Variants in ACTR3C observed in about 807,000 individuals in gnomAD.
ACTR3C encodes actin related protein 3C.
Under a neutral mutation model 26.3 loss-of-function variants are expected in ACTR3C, and 18 were observed. The observed-to-expected ratio is 0.68, with a 90% CI of 0.47 to 1.01. The LOEUF (loss-of-function observed/expected upper bound fraction) is 1.01, where lower values mean the gene tolerates loss of function less well. Ranked by LOEUF, ACTR3C falls within the 50% of genes least tolerant of loss-of-function variation. The pLI, the probability that ACTR3C is intolerant of heterozygous loss-of-function variation, is 0.00. For missense variants in ACTR3C, 184 were observed against 250.7 expected (o/e 0.73, Z 1.80); for synonymous variants, 55 against 94.5 (o/e 0.58, Z 2.42).
At chr7:149,906,045 AT>A in the ACTR3C span, among the ~76,000 whole-genome samples, 1 of 152,228 alleles carries the variant, frequency 6.6e-6, no homozygotes, top group African/African-American at 2.4e-5. Context: ...ATCGTTGTAT[AT>A]TCGCGTTAGA....
chr7:149,963,661 G>A, the ACTR3C span, among the ~76,000 whole-genome samples: 2 of 152,202 alleles, frequency 1.3e-5, no homozygotes, highest in African/African-American at 4.8e-5. Flanking sequence ...ACAGGCTCAG[G>A]TGGGTAACAG....
At chr7:149,999,672 G>A in the ACTR3C span, among the ~76,000 whole-genome samples, 1 of 151,494 alleles carries the variant, frequency 6.6e-6, no homozygotes, top group Non-Finnish European at 1.5e-5. Flanking sequence ...AAAAACTGAC[G>A]AGACTGCTAG....
At chr7:150,036,586 G>C in the ACTR3C span, among the ~76,000 whole-genome samples, 1 of 144,200 alleles carries the variant, frequency 6.9e-6, no homozygotes, top group Admixed American at 6.8e-5. Context: ...ACAAAGGCTT[G>C]GCTAATACTG....
chr7:150,252,586 G>GA, intron 6 of ACTR3C, among the ~76,000 whole-genome samples: 1 of 152,272 alleles, frequency 6.6e-6, no homozygotes, highest in East Asian at 1.9e-4. Flanking sequence ...TATACTATAT[G>GA]AAACATTTTA....
At chr7:150,189,087 C>T in the ACTR3C span, among the ~76,000 whole-genome samples, 1 of 151,220 alleles carries the variant, frequency 6.6e-6, no homozygotes, top group Admixed American at 6.6e-5. Flanking sequence ...TAGATTCTTT[C>T]TCTTACAATG....
the ACTR3C span, chr7:150,001,710 G>T: frequency 4.6e-5 from 7 of 151,610 alleles, no homozygotes; most frequent in Admixed American, 1.3e-4. Context: ...TCTTCACTGT[G>T]CAGGGTGAAA....
the ACTR3C span, among the ~76,000 whole-genome samples, chr7:150,196,717 T>TG: frequency 6.6e-6 from 1 of 151,894 alleles, no homozygotes; most frequent in Non-Finnish European, 1.5e-5. Context: ...TGGCCTTTCT[T>TG]TGGAAGTTTG....
At chr7:149,997,967 C>A in the ACTR3C span, among the ~76,000 whole-genome samples, 67 of 150,702 alleles carry the variant, frequency 4.4e-4, 1 homozygote, top group Non-Finnish European at 8.7e-4. Context: ...GTATCATTAT[C>A]AATTTCTTTG....
the ACTR3C span, among the ~76,000 whole-genome samples, chr7:149,905,549 T>C: frequency 6.6e-6 from 1 of 150,918 alleles, no homozygotes; most frequent in African/African-American, 2.4e-5. Flanking sequence ...AATTTCTAGA[T>C]GATAAAAGAT....
chr7:149,954,864 A>G, the ACTR3C span, among the ~76,000 whole-genome samples: 2 of 152,248 alleles, frequency 1.3e-5, no homozygotes, highest in South Asian at 4.1e-4. Context: ...AACTTTAGCT[A>G]GAATCCTTCA....
chr7:150,052,325 C>T, the ACTR3C span, among the ~76,000 whole-genome samples: 1 of 152,156 alleles, frequency 6.6e-6, no homozygotes, highest in Non-Finnish European at 1.5e-5. Flanking sequence ...GGTAGTAAGA[C>T]CTTTTACACA....
chr7:150,291,832 A>T (rs915896832), intron 3 of ACTR3C, among the ~76,000 whole-genome samples: 1 of 151,786 alleles, frequency 6.6e-6, no homozygotes, highest in Non-Finnish European at 1.5e-5. Flanking sequence ...AGATCCACCG[A>T]AAGGAGTGCT....
the ACTR3C span, among the ~76,000 whole-genome samples, chr7:150,114,749 C>G: frequency 6.6e-6 from 1 of 152,186 alleles, no homozygotes; most frequent in Non-Finnish European, 1.5e-5. Flanking sequence ...TGTCTACAGC[C>G]ATACAGCCCT....
At chr7:150,126,287 T>C in the ACTR3C span, among the ~76,000 whole-genome samples, 2 of 152,176 alleles carry the variant, frequency 1.3e-5, no homozygotes, top group Admixed American at 1.3e-4. Context: ...TTCCCCTCTT[T>C]CTCTTGCACA....
At chr7:150,090,758 A>G in the ACTR3C span, among the ~76,000 whole-genome samples, 19 of 151,526 alleles carry the variant, frequency 1.3e-4, no homozygotes, top group South Asian at 2.1e-3. Context: ...GTTGGATGAA[A>G]TGCCTAATTA....
the ACTR3C span, among the ~76,000 whole-genome samples, chr7:149,958,510 C>T: frequency 6.6e-6 from 1 of 152,196 alleles, no homozygotes; most frequent in Non-Finnish European, 1.5e-5. Context: ...GGAGATTTTC[C>T]AAATAATGTC....
chr7:150,121,154 A>T, the ACTR3C span, among the ~76,000 whole-genome samples: 2 of 152,230 alleles, frequency 1.3e-5, no homozygotes, highest in Non-Finnish European at 2.9e-5. Flanking sequence ...AGCTGGAAAC[A>T]TTCCCTTTGA....
the ACTR3C span, among the ~76,000 whole-genome samples, chr7:150,029,411 A>C: frequency 1.0e-5 from 1 of 99,686 alleles, no homozygotes; most frequent in Non-Finnish European, 2.0e-5. Context: ...AACAAAAAAA[A>C]AAAAAACAAA....
the ACTR3C span, among the ~76,000 whole-genome samples, chr7:150,051,668 A>G: frequency 6.9e-6 from 1 of 144,814 alleles, no homozygotes; most frequent in South Asian, 2.4e-4. Context: ...CCATTTTTCT[A>G]TCTAGTTTCA....
Sources: gnomAD v4.1 joint callset for allele counts (sites outside exome capture counted in the v4.1 genomes callset) on GRCh38, gnomAD v4.1.1 for gene constraint, MANE v1.5 for transcripts, NCBI Gene and HGNC (gene_info 2026-07-23, HGNC 2026-07-21) for gene names.